The following KHDRBS2 variants were observed in gnomAD, a reference collection of about 807,000 sequenced individuals.
KHDRBS2 encodes the protein KH RNA binding domain containing, signal transduction associated 2.
KHDRBS2 carries 26 observed loss-of-function variants against 44.3 expected under a neutral mutation model. The observed-to-expected ratio is 0.59, with a 90% confidence interval of 0.43 to 0.81. The LOEUF is 0.81. KHDRBS2 is among the 40% of genes least tolerant of loss of function. The probability of loss-of-function intolerance (pLI) is 0.00; values close to 1 mark genes in which losing one functional copy is unlikely to be tolerated. For missense variants in KHDRBS2, 476 were observed against 433.1 expected (o/e 1.10, Z -0.88); for synonymous variants, 194 against 151.1 (o/e 1.28, Z -2.08).
intron 7 of KHDRBS2, among the ~76,000 whole-genome samples, chr6:61,702,673 G>A (rs776753322): frequency 1.3e-4 from 19 of 151,824 alleles, no homozygotes; most frequent in Non-Finnish European, 2.2e-4. Flanking sequence ...ATGCTTTAGC[G>A]GGATGTCCAC....
intron 1 of KHDRBS2, among the ~76,000 whole-genome samples, chr6:62,256,570 A>G (rs955488997): frequency 6.6e-6 from 1 of 152,020 alleles, no homozygotes; most frequent in Admixed American, 6.6e-5. Flanking sequence ...ACTTCCCCAG[A>G]CACGTGGAAC....
At chr6:62,058,448 G>A (rs1043808839) in intron 2 of KHDRBS2, among the ~76,000 whole-genome samples, 17 of 151,836 alleles carry the variant, frequency 1.1e-4, no homozygotes, top group African/African-American at 3.9e-4. Context: ...TTCACACAGC[G>A]ACTGTTCTGT....
At chr6:62,154,118 G>A (rs1366513225) in intron 2 of KHDRBS2, among the ~76,000 whole-genome samples, 1 of 152,142 alleles carries the variant, frequency 6.6e-6, no homozygotes, top group Non-Finnish European at 1.5e-5. Flanking sequence ...AGAGTACCAA[G>A]TGAGAGGCTG....
At chr6:61,968,855 G>A (rs1331769093) in intron 4 of KHDRBS2, among the ~76,000 whole-genome samples, 1 of 152,002 alleles carries the variant, frequency 6.6e-6, no homozygotes, top group Non-Finnish European at 1.5e-5. Context: ...CTGGTAAAAT[G>A]AGGCTTAGAT....
At chr6:61,703,270 A>C (rs1386639627) in intron 7 of KHDRBS2, among the ~76,000 whole-genome samples, 1 of 151,832 alleles carries the variant, frequency 6.6e-6, no homozygotes, top group East Asian at 1.9e-4. Context: ...TTGCCAGTCA[A>C]TGTCACATAT....
At chr6:62,094,117 C>A (rs183307563) in intron 2 of KHDRBS2, among the ~76,000 whole-genome samples, 2 of 151,990 alleles carry the variant, frequency 1.3e-5, no homozygotes, top group Admixed American at 6.6e-5. Flanking sequence ...ATACTGTTTT[C>A]CATTATCGCT....
chr6:61,710,271 G>GT, intron 7 of KHDRBS2, among the ~76,000 whole-genome samples: 1 of 151,704 alleles, frequency 6.6e-6, no homozygotes, highest in Non-Finnish European at 1.5e-5. Flanking sequence ...TTTGTGATTA[G>GT]AAGCATTATA....
chr6:62,093,892 G>GTGTGTGTA (rs771470823), intron 2 of KHDRBS2, among the ~76,000 whole-genome samples: 8 of 126,294 alleles, frequency 6.3e-5, no homozygotes, highest in Non-Finnish European at 1.7e-5. Flanking sequence ...GTGTGTGTGT[G>GTGTGTGTA]TATATCACAT....
At chr6:61,543,792 G>C in the KHDRBS2 span, among the ~76,000 whole-genome samples, 2 of 151,998 alleles carry the variant, frequency 1.3e-5, no homozygotes, top group African/African-American at 4.8e-5. Flanking sequence ...AGATCTTGTC[G>C]TTTGCAATAC....
intron 2 of KHDRBS2, among the ~76,000 whole-genome samples, chr6:62,094,439 C>A (rs1041495351): frequency 7.2e-5 from 11 of 151,748 alleles, no homozygotes; most frequent in Non-Finnish European, 1.5e-4. Context: ...ATATTAATCC[C>A]TTATCAAACA....
chr6:61,688,112 C>T (rs2127540584), intron 8 of KHDRBS2, among the ~76,000 whole-genome samples: 1 of 151,874 alleles, frequency 6.6e-6, no homozygotes, highest in Admixed American at 6.6e-5. Flanking sequence ...ATATTTTATG[C>T]TTGACTCTGC....
chr6:61,799,374 C>T (rs1785898611), intron 6 of KHDRBS2, among the ~76,000 whole-genome samples: 1 of 151,476 alleles, frequency 6.6e-6, no homozygotes. Flanking sequence ...TTCTTTTTTA[C>T]ATAGTTCTTT....
the KHDRBS2 span, among the ~76,000 whole-genome samples, chr6:61,544,499 G>A: frequency 3.9e-4 from 59 of 152,160 alleles, no homozygotes; most frequent in Admixed American, 9.2e-4. Context: ...ATAATAAAGG[G>A]CAAAGCAATC....
chr6:62,082,151 G>A (rs1014290388), intron 2 of KHDRBS2, among the ~76,000 whole-genome samples: 3 of 152,106 alleles, frequency 2.0e-5, no homozygotes, highest in Non-Finnish European at 4.4e-5. Context: ...GGAGCTAATG[G>A]AAGTGTAGGA....
intron 1 of KHDRBS2, among the ~76,000 whole-genome samples, chr6:62,197,515 C>T (rs919121585): frequency 2.0e-5 from 3 of 152,086 alleles, no homozygotes; most frequent in African/African-American, 7.2e-5. Flanking sequence ...ATAAGACATG[C>T]TATTTGCCAA....
intron 2 of KHDRBS2, among the ~76,000 whole-genome samples, chr6:62,054,732 C>T (rs1789877442): frequency 6.6e-6 from 1 of 151,964 alleles, no homozygotes; most frequent in African/African-American, 2.4e-5. Flanking sequence ...GCAGATTCTG[C>T]CCTAGAGCCT....
intron 4 of KHDRBS2, among the ~76,000 whole-genome samples, chr6:61,954,205 A>T (rs1487837776): frequency 6.6e-6 from 1 of 151,942 alleles, no homozygotes; most frequent in Non-Finnish European, 1.5e-5. Flanking sequence ...GGTTTTTTCT[A>T]CAGTCTGATA....
the KHDRBS2 span, among the ~76,000 whole-genome samples, chr6:61,546,046 A>G: frequency 2.0e-5 from 3 of 152,140 alleles, no homozygotes; most frequent in African/African-American, 4.8e-5. Context: ...AAGCTGACTA[A>G]TACAGTCTCT....
intron 1 of KHDRBS2, among the ~76,000 whole-genome samples, chr6:62,181,528 G>GA (rs1822305785): frequency 1.3e-5 from 2 of 151,862 alleles, no homozygotes; most frequent in Admixed American, 6.6e-5. Context: ...GGCTATTATT[G>GA]AAAAAAGAAA....
Sources: gnomAD v4.1 joint callset for allele counts (sites outside exome capture counted in the v4.1 genomes callset) on GRCh38, gnomAD v4.1.1 for gene constraint, MANE v1.5 for transcripts, NCBI Gene and HGNC (gene_info 2026-07-23, HGNC 2026-07-21) for gene names.